DTD1: variants seen among roughly 807,000 people sequenced by gnomAD.
DTD1 encodes D-tyrosyl-tRNA deacylase 1 homolog.
Under a neutral mutation model 25.6 loss-of-function variants are expected in DTD1, and 13 were observed. The observed-to-expected ratio is 0.51, with a 90% CI of 0.33 to 0.81. DTD1 has a LOEUF of 0.81. Ranked by LOEUF, DTD1 falls within the 30% of genes least tolerant of loss-of-function variation. DTD1 has a pLI of 0.02. For missense variants in DTD1, 193 were observed against 266.4 expected, an observed-to-expected ratio of 0.72 and a Z score of 1.92; for synonymous variants, 110 against 103.6, an observed-to-expected ratio of 1.06 and a Z score of -0.37.
rs571664283 is a variant in DTD1, at chr20:18,708,364, AT to A, written c.478-35727del. Among the ~76,000 whole-genome samples the A allele has an allele frequency of 4.5e-3, 318 of 70,972 alleles. 3 individuals carry two copies. The highest frequency in any genetic ancestry group is 0.033 in the South Asian group (84 of 2,518). 46.6% of individuals were successfully genotyped at this position (70,972 alleles called of 152,430 possible). On this transcript the variant is annotated intron_variant, in intron 4 of 5. Coordinates refer to ENST00000377452, the MANE Select transcript of DTD1 (RefSeq NM_080820.6). The stretch of plus-strand genomic sequence containing the variant: ...ATATATATTATATATCTATATATAT[AT>A]TTTTTTTTGATACAAAGTCTCACTC...
At chr20:18,758,821 T>A (rs1427848304) in intron 5 of DTD1, among the ~76,000 whole-genome samples, 1 of 152,176 alleles carries the variant, frequency 6.6e-6, no homozygotes, top group Non-Finnish European at 1.5e-5. Flanking sequence ...TTCCTGTATA[T>A]CCTTGTTGAC....
chr20:18,606,221 C>T (rs906508521), intron 3 of DTD1, among the ~76,000 whole-genome samples: 2 of 147,626 alleles, frequency 1.4e-5, no homozygotes, highest in African/African-American at 5.0e-5. Context: ...ATCAAAACCA[C>T]TATGAGATAC....
intron 4 of DTD1, among the ~76,000 whole-genome samples, chr20:18,664,882 A>G (rs866810758): frequency 6.6e-6 from 1 of 152,080 alleles, no homozygotes; most frequent in Non-Finnish European, 1.5e-5. Context: ...TAGTTGCCTC[A>G]AATCCCATCT....
chr20:18,588,215 C>A, intron 1 of DTD1, 100 bp downstream of exon 1: 1 of 1,094,844 alleles, frequency 9.1e-7, no homozygotes, highest in Non-Finnish European at 1.2e-6. Flanking sequence ...GGGGCCGCTG[C>A]GGCCCCTCCG....
chr20:18,759,635 T>TA (rs1568692696), intron 5 of DTD1, among the ~76,000 whole-genome samples: 1 of 152,228 alleles, frequency 6.6e-6, no homozygotes, highest in Non-Finnish European at 1.5e-5. Context: ...CCTTTGTGGG[T>TA]AACCCAACCT....
chr20:18,686,873 T>C lies in DTD1; in HGVS notation c.478-57227T>C, dbSNP rs1047429654. Among the ~76,000 whole-genome samples, 9 of 152,204 alleles carry C rather than the reference T, an allele frequency of 5.9e-5. 1 individual carries two copies. The highest frequency in any genetic ancestry group is 2.2e-4 in the African/African-American group (9 of 41,452). ...AGAAAGTCTTGGGGAAGAGATTTTATGAGAAGTTGCACCACCACAATGCAG... is the reference window on the plus strand; with the variant it reads ...AGAAAGTCTTGGGGAAGAGATTTTACGAGAAGTTGCACCACCACAATGCAG... On this transcript the variant is annotated intron_variant, in intron 4 of 5. Coordinates refer to ENST00000377452, the MANE Select transcript of DTD1 (RefSeq NM_080820.6).
At chr20:18,745,537 G>T (rs536470043) in intron 5 of DTD1, among the ~76,000 whole-genome samples, 3 of 152,200 alleles carry the variant, frequency 2.0e-5, no homozygotes, top group Non-Finnish European at 4.4e-5. Flanking sequence ...CCCCTCAGAG[G>T]CCTGGGACCA....
chr20:18,629,566 G>T (rs967462360), intron 4 of DTD1, among the ~76,000 whole-genome samples: 1 of 152,050 alleles, frequency 6.6e-6, no homozygotes, highest in Non-Finnish European at 1.5e-5. Context: ...GCCTCCCAAA[G>T]TGCTGAGATT....
At chr20:18,683,060 A>G (rs934450318) in intron 4 of DTD1, among the ~76,000 whole-genome samples, 2 of 152,190 alleles carry the variant, frequency 1.3e-5, no homozygotes, top group South Asian at 2.1e-4. Flanking sequence ...GAGTTTTCCT[A>G]TTAGTCGGTT....
At chr20:18,734,873 A>C (rs2061250135) in intron 4 of DTD1, among the ~76,000 whole-genome samples, 1 of 152,190 alleles carries the variant, frequency 6.6e-6, no homozygotes, top group Non-Finnish European at 1.5e-5. Context: ...GGGCTAATGG[A>C]TGGGGGCATT....
intron 4 of DTD1, among the ~76,000 whole-genome samples, chr20:18,700,710 G>A (rs979925284): frequency 2.0e-5 from 3 of 152,150 alleles, no homozygotes; most frequent in Non-Finnish European, 4.4e-5. Context: ...GTGGCATGGT[G>A]GAGGTGGCAG....
intron 4 of DTD1, among the ~76,000 whole-genome samples, chr20:18,677,702 G>T (rs1402697065): frequency 6.6e-6 from 1 of 152,144 alleles, no homozygotes; most frequent in East Asian, 1.9e-4. Context: ...AACTGTTTCA[G>T]TTTACTGATG....
chr20:18,664,142 A>T (rs186844604), intron 4 of DTD1, among the ~76,000 whole-genome samples: 1 of 152,172 alleles, frequency 6.6e-6, no homozygotes, highest in Admixed American at 6.5e-5. Flanking sequence ...CTAACCATGC[A>T]TTTCTTGGAA....
intron 2 of DTD1, among the ~76,000 whole-genome samples, chr20:18,594,558 C>T (rs1050841000): frequency 4.6e-5 from 7 of 152,178 alleles, no homozygotes; most frequent in Admixed American, 3.3e-4. Context: ...TCCATTACCA[C>T]GGGGCACATT....
intron 4 of DTD1, among the ~76,000 whole-genome samples, chr20:18,637,871 AT>A (rs368471951): frequency 9.2e-5 from 14 of 152,188 alleles, no homozygotes; most frequent in African/African-American, 3.4e-4. Context: ...AAGTATCACA[AT>A]TTTTTCTCCT....
intron 3 of DTD1, among the ~76,000 whole-genome samples, chr20:18,612,004 A>G (rs1189661601): frequency 1.4e-5 from 2 of 146,296 alleles, no homozygotes; most frequent in Non-Finnish European, 3.0e-5. Flanking sequence ...ACAGGCGCCC[A>G]CGACCGTGCC....
chr20:18,752,921 G>A (rs1385611780), intron 5 of DTD1, among the ~76,000 whole-genome samples: 1 of 152,090 alleles, frequency 6.6e-6, no homozygotes, highest in Non-Finnish European at 1.5e-5. Context: ...TACTAGTAGT[G>A]GGACTGGATT....
intron 5 of DTD1, among the ~76,000 whole-genome samples, chr20:18,746,467 G>A (rs1192585601): frequency 6.6e-6 from 1 of 152,094 alleles, no homozygotes; most frequent in Non-Finnish European, 1.5e-5. Flanking sequence ...GGAGGTTGAA[G>A]TGAGAGAATC....
chr20:18,671,804 T>C (rs946395959), intron 4 of DTD1, among the ~76,000 whole-genome samples: 12 of 152,186 alleles, frequency 7.9e-5, no homozygotes, highest in African/African-American at 2.9e-4. Flanking sequence ...GTGAGGTTGC[T>C]GGGGCAAGAA....
Sources: allele counts gnomAD v4.1 joint callset (sites outside exome capture counted in the v4.1 genomes callset), GRCh38; gene constraint gnomAD v4.1.1; transcripts MANE v1.5; gene names NCBI Gene and HGNC (gene_info 2026-07-23, HGNC 2026-07-21).